NUP210L: variants seen among roughly 807,000 people sequenced by gnomAD.
NUP210L encodes the protein nucleoporin 210 like, also known as nuclear pore membrane glycoprotein 210-like.
NUP210L carries 74 observed loss-of-function variants against 208.5 expected under a neutral mutation model. That is an observed-to-expected ratio of 0.35 (90% CI 0.29 to 0.43). The LOEUF (loss-of-function observed/expected upper bound fraction) is 0.43. NUP210L is among the 20% of genes least tolerant of loss of function. NUP210L has a pLI of 1.00. For synonymous variants in NUP210L, 780 were observed against 816.9 expected (o/e 0.95, Z 0.77); for missense variants, 1,843 against 2,289.4 (o/e 0.81, Z 3.98).
chr1:154,022,004 A>G (rs1651594344), intron 32 of NUP210L, 122 bp downstream of exon 32: 2 of 882,396 alleles, frequency 2.3e-6, no homozygotes, highest in Non-Finnish European at 3.5e-6. Flanking sequence ...CAAAGGGCTG[A>G]GATTATGGGT....
intron 1 of NUP210L, 60 bp downstream of exon 1, chr1:154,154,782 C>T (rs979333301): frequency 2.2e-6 from 3 of 1,355,514 alleles, no homozygotes; most frequent in Non-Finnish European, 3.2e-6. Flanking sequence ...AGAGGGAACC[C>T]CCCTCACCCT....
At chr1:154,072,987 CCA>C (rs1300364401) in intron 16 of NUP210L, among the ~76,000 whole-genome samples, 1 of 152,130 alleles carries the variant, frequency 6.6e-6, no homozygotes, top group Non-Finnish European at 1.5e-5. Flanking sequence ...AACAGACAAC[CCA>C]CAGAGTGGGA....
intron 27 of NUP210L, among the ~76,000 whole-genome samples, chr1:154,035,775 CCAGGCTGGAGTGCAGTGGCAT>C (rs941532382): frequency 7.9e-5 from 12 of 151,860 alleles, no homozygotes; most frequent in Admixed American, 1.3e-4. Context: ...ACTTTGTCAC[CCAGGCTGGAGTGCAGTGGCAT>C]GATCTCGGCT....
At chr1:154,150,453 T>C (rs1187508007) in intron 2 of NUP210L, among the ~76,000 whole-genome samples, 9 of 151,968 alleles carry the variant, frequency 5.9e-5, no homozygotes, top group Non-Finnish European at 1.3e-4. Context: ...TAAGGCTGGG[T>C]GCAGTGGCTC....
chr1:154,076,105 T>C (rs941909912), intron 16 of NUP210L, among the ~76,000 whole-genome samples: 5 of 87,612 alleles, frequency 5.7e-5, no homozygotes, highest in African/African-American at 9.6e-5. Flanking sequence ...AAGACTTCTT[T>C]TTTTTTTTTT....
chr1:154,023,372 A>G, intron 30 of NUP210L, 75 bp from the exon 31 acceptor site: 3 of 1,147,280 alleles, frequency 2.6e-6, no homozygotes, highest in Non-Finnish European at 3.7e-6. Flanking sequence ...TGAGACTTAT[A>G]ATCAATGATA....
chr1:154,006,966 A>ATATATATT lies in NUP210L; in HGVS notation c.4930+3005_4930+3006insAATATATA, dbSNP rs1211789619. ...TGTGTGTATATATATATATATATAT[A>ATATATATT]TTTTTTTTTTTTTTTTAAATGGAGT... On this transcript the variant is annotated intron_variant, in intron 35 of 39. Transcript: ENST00000368559. 3.6e-4 allele frequency among the ~76,000 whole-genome samples: 42 copies of ATATATATT among 115,784 alleles called. 1 individual carries two copies. Among genetic ancestry groups the ATATATATT allele is most frequent in the African/African-American group, 9.9e-4 (30 of 30,382 alleles). The allele number at this position is 115,784 out of a possible 152,430, so 76.0% of individuals were successfully genotyped here.
At chr1:154,093,948 T>C (rs896509263) in intron 15 of NUP210L, among the ~76,000 whole-genome samples, 3 of 151,970 alleles carry the variant, frequency 2.0e-5, no homozygotes, top group Non-Finnish European at 4.4e-5. Context: ...TCCAGCAACT[T>C]GAGACCAGTC....
intron 25 of NUP210L, among the ~76,000 whole-genome samples, chr1:154,048,755 C>T (rs943984076): frequency 1.1e-4 from 16 of 152,142 alleles, no homozygotes; most frequent in South Asian, 6.2e-4. Context: ...CCCTTGCCAG[C>T]GGGGATGATA....
chr1:154,054,330 A>G (rs747371979), exon 25 of NUP210L: 5 of 1,614,182 alleles, frequency 3.1e-6, no homozygotes, highest in Non-Finnish European at 4.2e-6. Flanking sequence ...GCCCCCTCCT[A>G]TTAACAACAG....
At chr1:154,043,465 C>G (rs1230816506) in intron 27 of NUP210L, among the ~76,000 whole-genome samples, 1 of 152,068 alleles carries the variant, frequency 6.6e-6, no homozygotes, top group Non-Finnish European at 1.5e-5. Flanking sequence ...CAGGCATGCG[C>G]CACCACACCC....
At chr1:154,032,620 C>T (rs546126636) in intron 27 of NUP210L, among the ~76,000 whole-genome samples, 2 of 152,142 alleles carry the variant, frequency 1.3e-5, no homozygotes, top group East Asian at 3.9e-4. Flanking sequence ...CCTGCCTCAG[C>T]CTCCTGAGAC....
At chr1:154,068,853 A>T (rs534552145) in intron 17 of NUP210L, among the ~76,000 whole-genome samples, 203 of 152,270 alleles carry the variant, frequency 1.3e-3, no homozygotes, top group African/African-American at 4.8e-3. Flanking sequence ...GAGGGATAGC[A>T]TTAGGAGATA....
chr1:154,152,866 G>A, exon 2 of NUP210L: 1 of 1,613,912 alleles, frequency 6.2e-7, no homozygotes, highest in Non-Finnish European at 8.5e-7. Flanking sequence ...CATGATGGGT[G>A]GAATGCCTGC....
chr1:154,071,663 T>C (rs1478313056), intron 16 of NUP210L, among the ~76,000 whole-genome samples: 1 of 134,006 alleles, frequency 7.5e-6, no homozygotes, highest in Admixed American at 8.8e-5. Context: ...TGAGATAGAG[T>C]CTTGCTCTGT....
intron 2 of NUP210L, among the ~76,000 whole-genome samples, chr1:154,149,272 G>T (rs966119525): frequency 1.1e-4 from 17 of 152,116 alleles, no homozygotes; most frequent in African/African-American, 4.1e-4. Flanking sequence ...TTTTAGTAGA[G>T]ACGGGGTTTC....
intron 29 of NUP210L, 64 bp downstream of exon 29, chr1:154,027,442 C>A: frequency 8.6e-7 from 1 of 1,157,814 alleles, no homozygotes; most frequent in South Asian, 1.3e-5. Flanking sequence ...CTTTCTATGT[C>A]AATGTTTTAC....
At chr1:154,128,303 C>T (rs2494671) in intron 8 of NUP210L, among the ~76,000 whole-genome samples, 62,133 of 147,512 alleles carry the variant, frequency 0.42, 13,509 homozygotes, top group Non-Finnish European at 0.5. Context: ...CTGGGCAACA[C>T]GGCAAGATCC....
At chr1:154,147,893 A>G (rs1460254308) in intron 2 of NUP210L, among the ~76,000 whole-genome samples, 4 of 145,160 alleles carry the variant, frequency 2.8e-5, no homozygotes, top group Non-Finnish European at 6.1e-5. Context: ...CTGACCTCGT[A>G]ATCCACCCGC....
Sources: allele counts gnomAD v4.1 joint callset (sites outside exome capture counted in the v4.1 genomes callset), GRCh38; gene constraint gnomAD v4.1.1; transcripts MANE v1.5; gene names NCBI Gene and HGNC (gene_info 2026-07-23, HGNC 2026-07-21).